SPIDR: variants seen among roughly 807,000 people sequenced by gnomAD.
The protein encoded by SPIDR is DNA repair-scaffolding protein.
A neutral mutation model predicts 104.6 loss-of-function variants in SPIDR; 93 were observed. That is an observed-to-expected ratio of 0.89 (90% CI 0.75 to 1.06). SPIDR has a LOEUF of 1.06. SPIDR is among the 50% of genes least tolerant of loss of function. The probability of loss-of-function intolerance (pLI) is 0.00; values close to 1 mark genes in which losing one functional copy is unlikely to be tolerated. For synonymous variants in SPIDR, 431 were observed against 416.9 expected, an observed-to-expected ratio of 1.03 and a Z score of -0.41; for missense variants, 1,154 against 1,111.2, an observed-to-expected ratio of 1.04 and a Z score of -0.55.
intron 8 of SPIDR, among the ~76,000 whole-genome samples, chr8:47,531,635 G>T (rs1268100071): frequency 6.6e-6 from 1 of 151,994 alleles, no homozygotes; most frequent in African/African-American, 2.4e-5. Flanking sequence ...ATTTTCTTGG[G>T]GATTCTACTT....
intron 8 of SPIDR, among the ~76,000 whole-genome samples, chr8:47,579,954 T>G (rs1000464146): frequency 6.6e-6 from 1 of 152,262 alleles, no homozygotes; most frequent in Non-Finnish European, 1.5e-5. Context: ...GCCAGTTGGT[T>G]TGTATTACAG....
intron 10 of SPIDR, among the ~76,000 whole-genome samples, chr8:47,639,714 G>A (rs1330220610): frequency 6.6e-6 from 1 of 152,164 alleles, no homozygotes; most frequent in South Asian, 2.1e-4. Context: ...CTGGGAGGCC[G>A]AGGCGGGTGG....
At chr8:47,442,775 T>C (rs1392588401) in intron 8 of SPIDR, among the ~76,000 whole-genome samples, 1 of 152,172 alleles carries the variant, frequency 6.6e-6, no homozygotes, top group South Asian at 2.1e-4. Flanking sequence ...TCTTTTTCTA[T>C]TTTTTGTAGA....
chr8:47,662,947 C>T (rs2074351279), intron 10 of SPIDR, among the ~76,000 whole-genome samples: 1 of 152,232 alleles, frequency 6.6e-6, no homozygotes, highest in South Asian at 2.1e-4. Context: ...TCTGGGACTT[C>T]CCAGCCTCCA....
chr8:47,276,021 T>C (rs1456058696), intron 1 of SPIDR, among the ~76,000 whole-genome samples: 19 of 152,266 alleles, frequency 1.2e-4, no homozygotes, highest in Non-Finnish European at 2.6e-4. Context: ...CAGGCCTGGC[T>C]AATTTTTGTA....
intron 5 of SPIDR, among the ~76,000 whole-genome samples, chr8:47,361,578 G>C (rs1554630037): frequency 6.6e-6 from 1 of 152,208 alleles, no homozygotes; most frequent in African/African-American, 2.4e-5. Flanking sequence ...CAGCAGCTGG[G>C]AACTTGTCAG....
intron 5 of SPIDR, among the ~76,000 whole-genome samples, chr8:47,386,888 GAGAAAGAGAGAGAGAGATAT>G (rs2059970851): frequency 1.6e-5 from 1 of 62,044 alleles, no homozygotes; most frequent in Non-Finnish European, 3.4e-5. Flanking sequence ...GAGAGAGAGA[GAGAAAGAGAGAGAGAGATAT>G]AGATATAGAT....
At chr8:47,656,749 AAAC>A (rs544166118) in intron 10 of SPIDR, among the ~76,000 whole-genome samples, 142 of 152,382 alleles carry the variant, frequency 9.3e-4, no homozygotes, top group African/African-American at 3.3e-3. Context: ...AAAAATGTCA[AAAC>A]AACTGCAATA....
intron 8 of SPIDR, chr8:47,511,868 T>G: frequency 1.2e-6 from 1 of 824,728 alleles, no homozygotes; most frequent in Non-Finnish European, 2.2e-6. Context: ...GCATAAAACC[T>G]CTGGCCTTCC....
chr8:47,529,053 C>T lies in SPIDR; in HGVS notation c.1098-66758C>T, dbSNP rs146842310. Among the ~76,000 whole-genome samples, 190 of 152,262 alleles carry T rather than the reference C, an allele frequency of 1.2e-3. 1 individual carries two copies. The highest frequency in any genetic ancestry group is 4.4e-3 in the African/African-American group (184 of 41,558). ...GCTGGCAGAAACATACCACCTATAG[C>T]GGAAGAAGAATAAGAATTACATCAG... On this transcript the variant is annotated intron_variant, in intron 8 of 19. Coordinates refer to ENST00000297423, the MANE Select transcript of SPIDR (RefSeq NM_001080394.4).
chr8:47,485,146 C>T (rs1188669835), intron 8 of SPIDR, among the ~76,000 whole-genome samples: 2 of 152,356 alleles, frequency 1.3e-5, no homozygotes, highest in South Asian at 2.1e-4. Flanking sequence ...GTCACTCCCA[C>T]CCTAACACAG....
intron 8 of SPIDR, among the ~76,000 whole-genome samples, chr8:47,499,120 C>T (rs1222301574): frequency 1.3e-5 from 2 of 152,128 alleles, no homozygotes; most frequent in Non-Finnish European, 1.5e-5. Context: ...GCTGTCTGCC[C>T]AGGAGGAACT....
rs558639212 is a variant in SPIDR, at chr8:47,728,810, C to G, written c.2436-123C>G. The G allele has an allele frequency of 2.7e-5, 32 of 1,176,366 alleles. No individual in the cohort carries two copies. The East Asian group carries it at 7.4e-4, about 27-fold the overall frequency. 72.9% of individuals were successfully genotyped at this position (1,176,366 alleles called of 1,614,324 possible). A position where few individuals can be genotyped will look rare whatever the true frequency, so the allele number is the denominator to read the frequency against. On this transcript the variant is annotated intron_variant, in intron 17 of 19. Coordinates refer to ENST00000297423, the MANE Select transcript of SPIDR (RefSeq NM_001080394.4). ...GCAGGCCTCTCTCAGAAACTTGATT[C>G]TGAGAGTAAAGCCCCGTTTTCTAGC...
At chr8:47,363,197 C>CT (rs2056443897) in intron 5 of SPIDR, among the ~76,000 whole-genome samples, 5 of 128,670 alleles carry the variant, frequency 3.9e-5, no homozygotes, top group African/African-American at 9.0e-5. Flanking sequence ...TTCTTTATCT[C>CT]TCTTTTTTTT....
At chr8:47,704,018 T>G (rs2080719367) in intron 14 of SPIDR, among the ~76,000 whole-genome samples, 1 of 152,220 alleles carries the variant, frequency 6.6e-6, no homozygotes, top group Non-Finnish European at 1.5e-5. Flanking sequence ...AGGCTTTATC[T>G]CAATTTAATT....
chr8:47,444,360 A>T (rs2070110222), intron 8 of SPIDR, among the ~76,000 whole-genome samples: 1 of 152,206 alleles, frequency 6.6e-6, no homozygotes, highest in Admixed American at 6.5e-5. Context: ...AGAGACAACC[A>T]GGACACCTCT....
In SPIDR at chr8:47,489,159, A is replaced by G. The variant is rs1280695513; in HGVS notation, c.1097+48617A>G. Among the ~76,000 whole-genome samples the G allele has an allele frequency of 1.2e-4, 18 of 152,244 alleles. No homozygotes were observed. In the East Asian group the frequency reaches 1.4e-3, roughly 11 times the overall value. ...GATAAGCAACTTCAGCAAAGTCTCA[A>G]GATACAAAATCAATGTGCAAAAATC... On this transcript the variant is annotated intron_variant, in intron 8 of 19. Coordinates refer to ENST00000297423, the MANE Select transcript of SPIDR (RefSeq NM_001080394.4).
At chr8:47,410,930 A>G (rs1246505732) in intron 7 of SPIDR, among the ~76,000 whole-genome samples, 2 of 152,034 alleles carry the variant, frequency 1.3e-5, no homozygotes, top group Admixed American at 6.6e-5. Context: ...TGTCCTTGCG[A>G]TAGTTTGCTG....
intron 10 of SPIDR, chr8:47,667,669 C>G (rs1421727543): frequency 6.6e-6 from 1 of 151,530 alleles, no homozygotes; most frequent in East Asian, 1.9e-4. Context: ...TAAACAAAAG[C>G]AAGAAATAAT....
Sources: gnomAD v4.1 joint callset for allele counts (sites outside exome capture counted in the v4.1 genomes callset) on GRCh38, gnomAD v4.1.1 for gene constraint, MANE v1.5 for transcripts, NCBI Gene and HGNC (gene_info 2026-07-23, HGNC 2026-07-21) for gene names.